Variants in PDE2A observed in about 807,000 individuals in gnomAD.
PDE2A encodes the protein cGMP-dependent 3',5'-cyclic phosphodiesterase.
PDE2A carries 53 observed loss-of-function variants against 133.6 expected under a neutral mutation model. The observed-to-expected ratio is 0.40, with a 90% CI of 0.32 to 0.50. The LOEUF (loss-of-function observed/expected upper bound fraction) is 0.50. PDE2A is among the 20% of genes least tolerant of loss of function. PDE2A has a pLI of 0.73. For missense variants in PDE2A, 796 were observed against 1,232.4 expected (o/e 0.65, Z 5.30); for synonymous variants, 491 against 490.2 (o/e 1.00, Z -0.02).
At position 72,577,269 on chromosome 11, in the gene PDE2A, C is replaced by T; in HGVS notation, c.*115G>A. 1 of 714,960 alleles carries T rather than the reference C, an allele frequency of 1.4e-6. No homozygotes were observed. Among genetic ancestry groups the T allele is most frequent in the Non-Finnish European group, 2.3e-6 (1 of 428,368 alleles). 44.3% of individuals were successfully genotyped at this position (714,960 alleles called of 1,614,324 possible). A position where few individuals can be genotyped will look rare whatever the true frequency, so the allele number is the denominator to read the frequency against. ...GGAAGGTAGTACTTGTCCAGGGTCA[C>T]ACAGGAAGTCCTGGTCTAGGACCCA... On this transcript the variant is annotated 3_prime_UTR_variant, in exon 31 of 31. Transcript: ENST00000334456.
rs572181520 is a variant in PDE2A at position 72,635,848 on chromosome 11, A to T, written c.144+6406T>A. 20 of 369,954 alleles carry T rather than the reference A, an allele frequency of 5.4e-5. No homozygotes were observed. In the East Asian group the frequency reaches 1.7e-3, roughly 32 times the overall value. 22.9% of individuals were successfully genotyped at this position (369,954 alleles called of 1,614,324 possible). Reference sequence around the variant, plus strand: ...AGCTTTCCCATTCTGAAATACCAGTATTGATGTTGGGGCGATACTGCTCTT... The same window carrying T: ...AGCTTTCCCATTCTGAAATACCAGTTTTGATGTTGGGGCGATACTGCTCTT... On this transcript the variant is annotated intron_variant, in intron 2 of 30. Coordinates refer to ENST00000334456, the MANE Select transcript of PDE2A (RefSeq NM_002599.5).
At chr11:72,592,776 G>A (rs1206572612) in intron 6 of PDE2A, among the ~76,000 whole-genome samples, 1 of 152,058 alleles carries the variant, frequency 6.6e-6, no homozygotes, top group African/African-American at 2.4e-5. Flanking sequence ...GAATTTGAGG[G>A]AGGGAGATTG....
rs766719016 is a variant in PDE2A, at chr11:72,581,964, G to A, written c.1852-17C>T. ...CAGGATGGCCTGGAGAGGGCAGAGG[G>A]AGGTATCAGAGGGGCTGCCAGTATC... is the stretch of plus-strand genomic sequence containing the variant. On this transcript the variant is annotated splice_polypyrimidine_tract_variant and intron_variant, in intron 21 of 30. Transcript: ENST00000334456. The A allele has an allele frequency of 6.2e-7, 1 of 1,605,186 alleles. No individual in the cohort carries two copies. Among genetic ancestry groups the A allele is most frequent in the South Asian group, 1.1e-5 (1 of 90,864 alleles).
At chr11:72,646,280 C>T (rs767195389) in intron 1 of PDE2A, among the ~76,000 whole-genome samples, 8 of 152,250 alleles carry the variant, frequency 5.3e-5, no homozygotes, top group Non-Finnish European at 1.2e-4. Context: ...GTCTAGGAAC[C>T]AGCCCTGCCT....
chr11:72,607,122 C>G (rs1273347560), intron 3 of PDE2A, among the ~76,000 whole-genome samples: 1 of 152,194 alleles, frequency 6.6e-6, no homozygotes, highest in African/African-American at 2.4e-5. Flanking sequence ...AGCCAGGACT[C>G]CCGAAAGTCA....
rs1216399127 is a variant in PDE2A at position 72,577,414 on chromosome 11, G to A, written c.2796C>T (p.Ile932=). Residue 932 remains isoleucine (I), a synonymous_variant, in exon 31 of 31, where the codon ATC becomes ATT. Transcript: ENST00000334456. ...CAGCATCAAGGCTGCAGCAGCCATTGATGGGGGCCCTAGTGCCATCCAGAT... is the reference window on the plus strand; with the variant it reads ...CAGCATCAAGGCTGCAGCAGCCATTAATGGGGGCCCTAGTGCCATCCAGAT... The part of the protein sequence containing the change: ...VPDLDGTRAP[I]NGCCSLDAE 4 of 1,613,864 alleles carry A rather than the reference G, an allele frequency of 2.5e-6. No homozygotes were observed. The highest frequency in any genetic ancestry group is 3.4e-6 in the Non-Finnish European group (4 of 1,179,964).
At position 72,657,701 on chromosome 11, in the gene PDE2A, C is replaced by A. The variant is rs117788063; in HGVS notation, c.72-15375G>T. The A allele has an allele frequency of 6.7e-3, 2,904 of 436,244 alleles. 20 individuals carry two copies. The highest frequency in any genetic ancestry group is 9.0e-3 in the Non-Finnish European group (1,969 of 218,208). 27.0% of individuals were successfully genotyped at this position (436,244 alleles called of 1,614,324 possible). A position where few individuals can be genotyped will look rare whatever the true frequency, so the allele number is the denominator to read the frequency against. ...AGCTGGTCAGAGCTGATCAGAGCAGCCACTGGACATAGGCGTCTTAGGATC... is the reference window on the plus strand; with the variant it reads ...AGCTGGTCAGAGCTGATCAGAGCAGACACTGGACATAGGCGTCTTAGGATC... On this transcript the variant is annotated intron_variant, in intron 1 of 30. Transcript: ENST00000334456.
chr11:72,591,766 C>T (rs544434941), intron 6 of PDE2A, among the ~76,000 whole-genome samples: 1 of 152,264 alleles, frequency 6.6e-6, no homozygotes, highest in East Asian at 1.9e-4. Context: ...TTGAGCTGCC[C>T]CTAAGTCTTG....
chr11:72,579,507 T>TCC, intron 26 of PDE2A, 27 bp downstream of exon 26: 32 of 1,354,152 alleles, frequency 2.4e-5, no homozygotes, highest in Non-Finnish European at 3.3e-5. Context: ...TCCCCCTCAA[T>TCC]CCCCACCCCA....
chr11:72,598,308 C>T (rs1856578786), intron 4 of PDE2A, among the ~76,000 whole-genome samples: 1 of 152,184 alleles, frequency 6.6e-6, no homozygotes, highest in South Asian at 2.1e-4. Context: ...AACCACTATG[C>T]TGGAACCTTC....
intron 2 of PDE2A, 38 bp from the exon 3 acceptor site, chr11:72,608,789 GC>G (rs2135361526): frequency 1.7e-6 from 2 of 1,147,034 alleles, no homozygotes; most frequent in East Asian, 5.0e-5. Context: ...GCTTTGCCAG[GC>G]AGGCCAGGGC....
intron 1 of PDE2A, among the ~76,000 whole-genome samples, chr11:72,650,412 G>T (rs1054446437): frequency 6.6e-6 from 1 of 151,926 alleles, no homozygotes; most frequent in Non-Finnish European, 1.5e-5. Flanking sequence ...CCTCTCAAAA[G>T]GTCTCCCACC....
chr11:72,653,932 G>A (rs1033331584), intron 1 of PDE2A, among the ~76,000 whole-genome samples: 1 of 152,236 alleles, frequency 6.6e-6, no homozygotes, highest in Non-Finnish European at 1.5e-5. Context: ...TGAAATAACA[G>A]GAAGTCAGGG....
chr11:72,638,072 G>A (rs928234866), intron 2 of PDE2A, among the ~76,000 whole-genome samples: 4 of 152,036 alleles, frequency 2.6e-5, no homozygotes, highest in African/African-American at 4.8e-5. Flanking sequence ...ATTAATAATC[G>A]TTTACCCGCC....
In PDE2A at chr11:72,595,035, GACACAC is replaced by G. The variant is rs34720227; in HGVS notation, c.489+1552_489+1557del. ...GATCTGATCCCACCAGCGTCCCTGA[GACACAC>G]ACACACACACACACACACACACACA... On this transcript the variant is annotated intron_variant, in intron 6 of 30. Transcript: ENST00000334456. Among the ~76,000 whole-genome samples, 585 of 148,478 alleles carry G rather than the reference GACACAC, an allele frequency of 3.9e-3. 14 individuals are homozygous for G. The highest frequency in any genetic ancestry group is 0.023 in the Admixed American group (342 of 14,982).
At chr11:72,598,793 C>T (rs1482749989) in intron 4 of PDE2A, 11 of 985,310 alleles carry the variant, frequency 1.1e-5, no homozygotes, top group Middle Eastern at 5.2e-4. Flanking sequence ...GCATTCTGAA[C>T]CAAACCCATT....
At position 72,608,755 on chromosome 11, in the gene PDE2A, G is replaced by A. The variant is rs1280522542; in HGVS notation, c.145-4C>T. ...AGCCCAGACTCAGCAAGGCGTCCTG[G>A]AAGAGAGGAGAGGGCAGTGAGAGGC... is the stretch of plus-strand genomic sequence containing the variant. On this transcript the variant is annotated splice_polypyrimidine_tract_variant and splice_region_variant and intron_variant, in intron 2 of 30. Transcript: ENST00000334456. The A allele has an allele frequency of 6.6e-7, 1 of 1,517,402 alleles. No homozygotes were observed. Among genetic ancestry groups the A allele is most frequent in the Non-Finnish European group, 9.0e-7 (1 of 1,110,656 alleles). 94.0% of individuals were successfully genotyped at this position (1,517,402 alleles called of 1,614,324 possible).
At chr11:72,605,036 T>C (rs1856910361) in intron 4 of PDE2A, 102 bp downstream of exon 4, 3 of 658,254 alleles carry the variant, frequency 4.6e-6, no homozygotes, top group Non-Finnish European at 7.8e-6. Flanking sequence ...CGGGGATCAA[T>C]GTTGGAAGGG....
chr11:72,581,237 G>C, intron 23 of PDE2A, 120 bp downstream of exon 23: 1 of 1,044,296 alleles, frequency 9.6e-7, no homozygotes, highest in South Asian at 1.5e-5. Context: ...CTAGTCCCCT[G>C]GGGCTAAGAA....
Sources: gnomAD v4.1 joint callset for allele counts (sites outside exome capture counted in the v4.1 genomes callset) on GRCh38, gnomAD v4.1.1 for gene constraint, MANE v1.5 for transcripts, NCBI Gene and HGNC (gene_info 2026-07-23, HGNC 2026-07-21) for gene names.